OR56A3: variants seen among roughly 807,000 people sequenced by gnomAD.
OR56A3 encodes the protein olfactory receptor 56A3.
A neutral mutation model predicts 17.5 loss-of-function variants in OR56A3; 23 were observed. That is an observed-to-expected ratio of 1.32 (90% CI 0.95 to 1.87). OR56A3 has a LOEUF of 1.87. OR56A3 is among the 40% of genes most tolerant of loss of function. The pLI is 0.00. For missense variants in OR56A3, 366 were observed against 380.1 expected, an observed-to-expected ratio of 0.96 and a Z score of 0.31; for synonymous variants, 175 against 150.6, an observed-to-expected ratio of 1.16 and a Z score of -1.19.
At chr11:5,945,579 TA>T (rs3082300) in intron 2 of OR56A3, among the ~76,000 whole-genome samples, 33,412 of 114,036 alleles carry the variant, frequency 0.29, 3,863 homozygotes, top group African/African-American at 0.38. Context: ...AGACCCCATA[TA>T]AAAAAAAAAA....
At chr11:5,997,286 G>C in the OR56A3 span, among the ~76,000 whole-genome samples, 2 of 152,208 alleles carry the variant, frequency 1.3e-5, no homozygotes, top group Non-Finnish European at 2.9e-5. Flanking sequence ...CCAGAAGAAT[G>C]AATGCTTCCT....
the OR56A3 span, among the ~76,000 whole-genome samples, chr11:5,985,027 A>G: frequency 3.3e-5 from 5 of 152,222 alleles, no homozygotes; most frequent in African/African-American, 1.2e-4. Context: ...CAGAAATAGA[A>G]GATCTAATTG....
chr11:5,971,410 A>G, the OR56A3 span, among the ~76,000 whole-genome samples: 4 of 152,088 alleles, frequency 2.6e-5, no homozygotes, highest in African/African-American at 9.7e-5. Context: ...CCTGCCTCTT[A>G]TGTGTAGTCC....
the OR56A3 span, chr11:5,967,315 T>C: frequency 4.1e-6 from 2 of 487,212 alleles, no homozygotes. Flanking sequence ...CGTACTCACA[T>C]AGATGAAGTC....
the OR56A3 span, among the ~76,000 whole-genome samples, chr11:6,016,504 A>C: frequency 1.3e-5 from 2 of 152,230 alleles, no homozygotes; most frequent in East Asian, 1.9e-4. Flanking sequence ...CACACACACA[A>C]AAATTCTTTC....
the OR56A3 span, among the ~76,000 whole-genome samples, chr11:6,008,431 G>C: frequency 5.4e-3 from 825 of 152,068 alleles, 15 homozygotes; most frequent in East Asian, 0.06. Context: ...ATATTGCTAA[G>C]AGCATGCAGT....
the OR56A3 span, chr11:6,006,897 T>C: frequency 6.6e-6 from 1 of 152,656 alleles, no homozygotes; most frequent in South Asian, 2.1e-4. Flanking sequence ...ATAATTTCCT[T>C]GGCCCCACCT....
At chr11:6,001,521 G>A in the OR56A3 span, 1 of 152,544 alleles carries the variant, frequency 6.6e-6, no homozygotes, top group Non-Finnish European at 1.5e-5. Context: ...TCTGCCTCAG[G>A]TGCCATGGAA....
Position 5,947,395 on chromosome 11 carries a change from C to T in OR56A3, c.49C>T (p.Leu17Phe), listed in dbSNP as rs1847876356. 3 of 1,613,684 alleles carry T rather than the reference C, an allele frequency of 1.9e-6. No homozygotes were observed. The highest frequency in any genetic ancestry group is 3.3e-5 in the Admixed American group (2 of 59,940). Reference protein sequence around the residue: ...DTLSTEASDFLLNCFVRSPSW... With the variant: ...DTLSTEASDFFLNCFVRSPSW... ...CCTCTCCACTGAAGCTTCAGACTTC[C>T]TCTTGAATTGTTTTGTCAGATCCCC... is the stretch of plus-strand genomic sequence containing the variant. The change falls in exon 3 of 3, where the codon CTC (leucine) becomes TTC (phenylalanine). Residue 17 changes from leucine (L) to phenylalanine (F), a missense_variant. Leu to Phe is a conservative substitution (Grantham distance 22). Coordinates refer to ENST00000641160, the MANE Select transcript of OR56A3 (RefSeq NM_001003443.3).
At chr11:5,967,995 GAAGA>G in the OR56A3 span, 1 of 1,590,122 alleles carries the variant, frequency 6.3e-7, no homozygotes, top group Non-Finnish European at 8.6e-7. Flanking sequence ...TCTGAGTCGA[GAAGA>G]AAGTATGGGG....
At chr11:5,998,011 AAG>A in the OR56A3 span, among the ~76,000 whole-genome samples, 1 of 152,162 alleles carries the variant, frequency 6.6e-6, no homozygotes, top group African/African-American at 2.4e-5. Flanking sequence ...ATGCCTTGGA[AAG>A]CCTCTCGGTA....
the OR56A3 span, among the ~76,000 whole-genome samples, chr11:6,015,013 A>AAAAAAAAAAAAAAAAAAAAAG: frequency 6.6e-6 from 1 of 150,714 alleles, no homozygotes; most frequent in East Asian, 2.0e-4. Context: ...AAAAAAAAAA[A>AAAAAAAAAAAAAAAAAAAAAG]AATGACCTGA....
At chr11:5,980,566 G>A in the OR56A3 span, among the ~76,000 whole-genome samples, 1 of 152,100 alleles carries the variant, frequency 6.6e-6, no homozygotes, top group South Asian at 2.1e-4. Context: ...TTGAGCCTAT[G>A]AATGTCATTG....
At chr11:5,983,445 A>C in the OR56A3 span, among the ~76,000 whole-genome samples, 1 of 151,482 alleles carries the variant, frequency 6.6e-6, no homozygotes, top group Non-Finnish European at 1.5e-5. Flanking sequence ...TTGGTAAGAG[A>C]CTATGACCCT....
At chr11:5,966,567 A>G in the OR56A3 span, among the ~76,000 whole-genome samples, 1 of 152,144 alleles carries the variant, frequency 6.6e-6, no homozygotes, top group South Asian at 2.1e-4. Flanking sequence ...TGGTCAGTAT[A>G]TAGGTCCTAC....
Position 5,947,538 on chromosome 11 carries a change from C to G in OR56A3, c.192C>G (p.Tyr64Ter), listed in dbSNP as rs759837916. ...WLEASLHQPLYYLLSLLSLLD... is the reference protein window; with the variant it reads ...WLEASLHQPL ...AGGCCTCTCTGCACCAGCCCCTGTA[C>G]TACCTGCTCAGCCTCCTCTCCCTGC... is the stretch of plus-strand genomic sequence containing the variant. The change falls in exon 3 of 3, where the codon TAC (tyrosine) becomes TAG (stop). Residue 64 changes from tyrosine to a stop codon, truncating the protein, a stop_gained. Coordinates refer to ENST00000641160, the MANE Select transcript of OR56A3 (RefSeq NM_001003443.3). LOFTEE classifies it high-confidence loss of function. 6.2e-6 allele frequency: 10 copies of G among 1,614,046 alleles called. No homozygotes were observed. The highest frequency in any genetic ancestry group is 3.3e-5 in the Admixed American group (2 of 60,010).
the OR56A3 span, among the ~76,000 whole-genome samples, chr11:5,956,734 T>C: frequency 1.3e-5 from 2 of 152,300 alleles, no homozygotes; most frequent in East Asian, 1.9e-4. Flanking sequence ...GATACAAAGA[T>C]GTTTTGGGTT....
chr11:5,994,976 C>T, the OR56A3 span: 68 of 699,432 alleles, frequency 9.7e-5, no homozygotes, highest in African/African-American at 3.9e-4. Context: ...TGCAGCCAGG[C>T]GCCCGGACCC....
chr11:6,016,763 A>G, the OR56A3 span, among the ~76,000 whole-genome samples: 2 of 151,902 alleles, frequency 1.3e-5, no homozygotes, highest in Non-Finnish European at 2.9e-5. Context: ...AATACAAAAA[A>G]AAACCCCAGA....
Sources: gnomAD v4.1 joint callset for allele counts (sites outside exome capture counted in the v4.1 genomes callset) on GRCh38, gnomAD v4.1.1 for gene constraint, MANE v1.5 for transcripts, NCBI Gene and HGNC (gene_info 2026-07-23, HGNC 2026-07-21) for gene names.